Variants in PGCKA1 observed in about 807,000 individuals in gnomAD.
PGCKA1 encodes PDCD10 and GCKIII kinases-associated protein 1.
chr4:37,476,492 T>A, the PGCKA1 span, among the ~76,000 whole-genome samples: 1 of 152,164 alleles, frequency 6.6e-6, no homozygotes. Flanking sequence ...CATTCTCCCA[T>A]CTTATCTGCT....
At chr4:37,554,423 C>T in the PGCKA1 span, among the ~76,000 whole-genome samples, 3 of 152,122 alleles carry the variant, frequency 2.0e-5, no homozygotes, top group Non-Finnish European at 2.9e-5. Flanking sequence ...GCAATGAGCT[C>T]GCTGCACCCT....
At chr4:37,582,478 C>T in the PGCKA1 span, among the ~76,000 whole-genome samples, 28,774 of 152,202 alleles carry the variant, frequency 0.19, 3,455 homozygotes, top group Non-Finnish European at 0.25. Context: ...ATGTCAATAA[C>T]GACCTTTTAG....
chr4:37,548,927 TTTATC>T, the PGCKA1 span, among the ~76,000 whole-genome samples: 1 of 152,248 alleles, frequency 6.6e-6, no homozygotes, highest in Non-Finnish European at 1.5e-5. Flanking sequence ...AGAGGCCCTG[TTTATC>T]TCCCTTCCAC....
At chr4:37,590,010 G>A in the PGCKA1 span, 10 of 1,002,380 alleles carry the variant, frequency 1.0e-5, no homozygotes, top group African/African-American at 4.9e-5. Context: ...AGCAGGAATC[G>A]TAGAAAGAAG....
At chr4:37,509,476 C>A in the PGCKA1 span, among the ~76,000 whole-genome samples, 1 of 147,158 alleles carries the variant, frequency 6.8e-6, no homozygotes, top group Non-Finnish European at 1.5e-5. Context: ...ACTTCCTAGA[C>A]GGGATGGCAG....
the PGCKA1 span, among the ~76,000 whole-genome samples, chr4:37,536,127 A>G: frequency 6.6e-6 from 1 of 152,206 alleles, no homozygotes; most frequent in African/African-American, 2.4e-5. Flanking sequence ...AGACAACTAC[A>G]TAACTGGCCA....
the PGCKA1 span, among the ~76,000 whole-genome samples, chr4:37,573,349 T>G: frequency 2.0e-5 from 3 of 152,164 alleles, no homozygotes; most frequent in African/African-American, 7.2e-5. Flanking sequence ...TTATCCCCAT[T>G]TTACAGACAA....
At chr4:37,535,338 T>C in the PGCKA1 span, among the ~76,000 whole-genome samples, 2 of 152,254 alleles carry the variant, frequency 1.3e-5, no homozygotes, top group South Asian at 4.1e-4. Flanking sequence ...CAGTGAGCTA[T>C]GGTCCCATCA....
the PGCKA1 span, among the ~76,000 whole-genome samples, chr4:37,556,066 G>C: frequency 6.6e-6 from 1 of 152,030 alleles, no homozygotes; most frequent in African/African-American, 2.4e-5. Context: ...TACAGTTTTT[G>C]TTACCTAAAA....
At chr4:37,559,757 C>T in the PGCKA1 span, among the ~76,000 whole-genome samples, 31 of 152,232 alleles carry the variant, frequency 2.0e-4, no homozygotes, top group East Asian at 4.1e-3. Flanking sequence ...CTTTATTTCT[C>T]TCTGAGTCTC....
chr4:37,464,002 C>T, the PGCKA1 span, among the ~76,000 whole-genome samples: 1 of 152,108 alleles, frequency 6.6e-6, no homozygotes, highest in African/African-American at 2.4e-5. Context: ...GGCACAAGTA[C>T]ACCCGCGCCC....
At chr4:37,579,432 G>A in the PGCKA1 span, among the ~76,000 whole-genome samples, 1 of 152,234 alleles carries the variant, frequency 6.6e-6, no homozygotes, top group East Asian at 1.9e-4. Context: ...ACTCCCTTTA[G>A]CATTTCTTGT....
At chr4:37,588,600 AG>A in the PGCKA1 span, 1 of 448,102 alleles carries the variant, frequency 2.2e-6, no homozygotes, top group Non-Finnish European at 4.0e-6. Flanking sequence ...ACATAACCCC[AG>A]GGTTGGGAGA....
chr4:37,545,537 T>C, the PGCKA1 span, among the ~76,000 whole-genome samples: 1 of 152,236 alleles, frequency 6.6e-6, no homozygotes, highest in African/African-American at 2.4e-5. Context: ...CTTTAAGGAT[T>C]CTACCATCTA....
the PGCKA1 span, among the ~76,000 whole-genome samples, chr4:37,542,022 T>C: frequency 6.6e-6 from 1 of 152,124 alleles, no homozygotes; most frequent in Admixed American, 6.5e-5. Flanking sequence ...CTGGCAACCT[T>C]CATTTAACCC....
chr4:37,534,421 T>G, the PGCKA1 span, among the ~76,000 whole-genome samples: 1 of 152,212 alleles, frequency 6.6e-6, no homozygotes, highest in African/African-American at 2.4e-5. Flanking sequence ...GTCTTGAATC[T>G]AATAGTATGA....
chr4:37,521,956 C>T, the PGCKA1 span, among the ~76,000 whole-genome samples: 1 of 152,194 alleles, frequency 6.6e-6, no homozygotes, highest in Non-Finnish European at 1.5e-5. Flanking sequence ...TTTGTCTCTT[C>T]TTATAGTTTT....
the PGCKA1 span, among the ~76,000 whole-genome samples, chr4:37,510,230 TG>T: frequency 3.9e-5 from 6 of 152,136 alleles, no homozygotes; most frequent in East Asian, 9.7e-4. Flanking sequence ...TTATCTAGTT[TG>T]GTGAGGTCAT....
At chr4:37,540,988 A>C in the PGCKA1 span, among the ~76,000 whole-genome samples, 1 of 152,084 alleles carries the variant, frequency 6.6e-6, no homozygotes, top group African/African-American at 2.4e-5. Context: ...AGGTAACACA[A>C]ACAGCCCGTC....
Sources: allele counts gnomAD v4.1 joint callset (sites outside exome capture counted in the v4.1 genomes callset), GRCh38; gene constraint gnomAD v4.1.1; transcripts MANE v1.5; gene names NCBI Gene and HGNC (gene_info 2026-07-23, HGNC 2026-07-21).